Variants in EPM2A observed in about 807,000 individuals in gnomAD.
EPM2A encodes the protein laforin.
In EPM2A, 21 loss-of-function variants were observed where a neutral mutation model predicts 26.5. That is an observed-to-expected ratio of 0.79 (90% CI 0.56 to 1.14). The LOEUF is 1.14. Among genes scored for constraint, EPM2A ranks in the 50% most tolerant of loss-of-function variants. EPM2A has a pLI of 0.00. For synonymous variants in EPM2A, 217 were observed against 177.6 expected (o/e 1.22, Z -1.76); for missense variants, 458 against 440.8 (o/e 1.04, Z -0.35).
chr6:145,469,448 A>G (rs1276554829), intron 4 of EPM2A, among the ~76,000 whole-genome samples: 1 of 152,152 alleles, frequency 6.6e-6, no homozygotes, highest in East Asian at 1.9e-4. Flanking sequence ...ATAATCAGAA[A>G]AATGCAAACA....
chr6:145,439,216 T>C (rs965426016), intron 4 of EPM2A, among the ~76,000 whole-genome samples: 4 of 152,248 alleles, frequency 2.6e-5, no homozygotes, highest in African/African-American at 9.6e-5. Context: ...CTACTGTTGA[T>C]GGGCTTTTAG....
intron 2 of EPM2A, among the ~76,000 whole-genome samples, chr6:145,567,568 C>T (rs991169910): frequency 1.3e-5 from 2 of 152,142 alleles, no homozygotes; most frequent in South Asian, 2.1e-4. Flanking sequence ...TGCTCCTAGC[C>T]GGTTGGCCAG....
rs893592801 is a variant in EPM2A, at chr6:145,546,610, A to G, written c.341-44035T>C. The stretch of plus-strand genomic sequence containing the variant: ...TATATTTAGTAGTCTAATCATTGTC[A>G]TGATTGCTAAAATGTAAGCTCCATG... On this transcript the variant is annotated intron_variant, in intron 2 of 3. Transcript: ENST00000450221. 2.6e-5 allele frequency among the ~76,000 whole-genome samples: 4 copies of G among 152,306 alleles called. 1 individual carries two copies. In the South Asian group the frequency reaches 8.3e-4, roughly 32 times the overall value.
At chr6:145,622,786 C>T (rs1425011998), downstream of EPM2A, among the ~76,000 whole-genome samples, 5 of 152,202 alleles carry the variant, frequency 3.3e-5, no homozygotes, top group African/African-American at 1.2e-4. Flanking sequence ...CACTCCAGAT[C>T]CATGCCAGGA....
intron 2 of EPM2A, among the ~76,000 whole-genome samples, chr6:145,517,132 A>G (rs1780138979): frequency 6.6e-6 from 1 of 152,180 alleles, no homozygotes; most frequent in Non-Finnish European, 1.5e-5. Flanking sequence ...CACTCATACA[A>G]GGTAGCTAAA....
At chr6:145,577,812 C>T (rs1781055484) in intron 2 of EPM2A, among the ~76,000 whole-genome samples, 2 of 151,998 alleles carry the variant, frequency 1.3e-5, no homozygotes, top group South Asian at 4.1e-4. Flanking sequence ...TAAAACAAGT[C>T]TCAAAAATTT....
intron 4 of EPM2A, among the ~76,000 whole-genome samples, chr6:145,444,193 T>C (rs1465526386): frequency 2.6e-5 from 4 of 152,200 alleles, no homozygotes; most frequent in Non-Finnish European, 5.9e-5. Flanking sequence ...TCAAGAGGAA[T>C]GCTTCCAGCT....
At chr6:145,560,937 T>C (rs1780796057) in intron 2 of EPM2A, among the ~76,000 whole-genome samples, 1 of 152,138 alleles carries the variant, frequency 6.6e-6, no homozygotes, top group African/African-American at 2.4e-5. Flanking sequence ...TTTCTATTGT[T>C]ACCATAAAAC....
intron 4 of EPM2A, among the ~76,000 whole-genome samples, chr6:145,471,087 T>C (rs561164982): frequency 8.5e-4 from 130 of 152,250 alleles, no homozygotes; most frequent in African/African-American, 2.5e-3. Context: ...TTGTTTGGTA[T>C]CAAAGTCATT....
At chr6:145,448,024 C>T (rs1021107424) in intron 4 of EPM2A, among the ~76,000 whole-genome samples, 1 of 152,020 alleles carries the variant, frequency 6.6e-6, no homozygotes, top group Non-Finnish European at 1.5e-5. Flanking sequence ...TTCTTGAATA[C>T]TTACTATGTT....
downstream of EPM2A, among the ~76,000 whole-genome samples, chr6:145,500,839 T>C (rs546765736): frequency 2.0e-5 from 3 of 152,206 alleles, no homozygotes; most frequent in East Asian, 5.8e-4. Flanking sequence ...TCCCACAGTT[T>C]GTCTTGACCA....
At chr6:145,607,093 C>G (rs1562400603) in intron 2 of EPM2A, among the ~76,000 whole-genome samples, 1 of 152,274 alleles carries the variant, frequency 6.6e-6, no homozygotes, top group African/African-American at 2.4e-5. Flanking sequence ...AAAAGCCTCT[C>G]CTTGTGTTAC....
intron 2 of EPM2A, among the ~76,000 whole-genome samples, chr6:145,542,441 A>G (rs1780525393): frequency 6.6e-6 from 1 of 152,258 alleles, no homozygotes; most frequent in South Asian, 2.1e-4. Flanking sequence ...AGTGTCCTTC[A>G]AGATGTCCAG....
chr6:145,650,136 C>T (rs1192699724), intron 2 of EPM2A, among the ~76,000 whole-genome samples: 1 of 152,090 alleles, frequency 6.6e-6, no homozygotes, highest in Non-Finnish European at 1.5e-5. Context: ...TGGGAAGGAA[C>T]GGAAAGCAAT....
chr6:145,677,703 T>C (rs1780169499), intron 2 of EPM2A, among the ~76,000 whole-genome samples: 2 of 152,120 alleles, frequency 1.3e-5, no homozygotes, highest in Non-Finnish European at 2.9e-5. Context: ...ATAAAATACC[T>C]AGGAATCCAA....
At chr6:145,490,845 T>C (rs1050444243) in intron 4 of EPM2A, 13 of 645,714 alleles carry the variant, frequency 2.0e-5, no homozygotes, top group Non-Finnish European at 3.2e-5. Context: ...TCTTCTTTAA[T>C]CTGCCCTTTT....
At chr6:145,692,566 T>C (rs1034050596) in intron 1 of EPM2A, among the ~76,000 whole-genome samples, 1 of 151,996 alleles carries the variant, frequency 6.6e-6, no homozygotes, top group Non-Finnish European at 1.5e-5. Context: ...TATATTTAGG[T>C]TTTTAATCTG....
intron 4 of EPM2A, among the ~76,000 whole-genome samples, chr6:145,431,126 A>G (rs906280122): frequency 6.6e-6 from 1 of 152,358 alleles, no homozygotes; most frequent in Middle Eastern, 3.4e-3. Context: ...CTATGACAAC[A>G]GCAGAGAGAT....
In EPM2A at chr6:145,690,529, A is replaced by G. The variant is rs867408176; in HGVS notation, c.302-4233T>C. Among the ~76,000 whole-genome samples the G allele has an allele frequency of 2.7e-3, 404 of 150,376 alleles. 2 individuals are homozygous for G. Among genetic ancestry groups the G allele is most frequent in the African/African-American group, 9.4e-3 (386 of 41,172 alleles). On this transcript the variant is annotated intron_variant, in intron 1 of 3. Transcript: ENST00000367519. ...GAGACTCCGTCTCAAAAGAAAAAAA[A>G]AAAAAAAAAAAAAAGAGCTAACCTC...
Sources: allele counts gnomAD v4.1 joint callset (sites outside exome capture counted in the v4.1 genomes callset), GRCh38; gene constraint gnomAD v4.1.1; transcripts MANE v1.5; gene names NCBI Gene and HGNC (gene_info 2026-07-23, HGNC 2026-07-21).